KCNN3: variants seen among roughly 807,000 people sequenced by gnomAD.
KCNN3 encodes small conductance calcium-activated potassium channel protein 3.
KCNN3 carries 16 observed loss-of-function variants against 62.9 expected under a neutral mutation model. That is an observed-to-expected ratio of 0.25 (90% confidence interval 0.17 to 0.39). The LOEUF (loss-of-function observed/expected upper bound fraction) is 0.39, where lower values mean the gene tolerates loss of function less well. KCNN3 is among the 10% of genes least tolerant of loss of function. KCNN3 has a pLI of 1.00. For synonymous variants in KCNN3, 370 were observed against 389.2 expected (o/e 0.95, Z 0.58); for missense variants, 599 against 949.4 (o/e 0.63, Z 4.85).
chr1:154,720,778 C>A (rs114540172), intron 5 of KCNN3, among the ~76,000 whole-genome samples: 1 of 152,108 alleles, frequency 6.6e-6, no homozygotes, highest in African/African-American at 2.4e-5. Context: ...GGGTAAGGGA[C>A]GCCGAAGTGA....
intron 2 of KCNN3, among the ~76,000 whole-genome samples, chr1:154,774,159 T>C (rs944197559): frequency 2.0e-5 from 3 of 152,236 alleles, no homozygotes; most frequent in African/African-American, 7.2e-5. Flanking sequence ...CCCAGCACAC[T>C]ATGTAACTAT....
chr1:154,734,519 C>T (rs557684764), intron 3 of KCNN3, among the ~76,000 whole-genome samples: 2 of 152,364 alleles, frequency 1.3e-5, no homozygotes, highest in Non-Finnish European at 2.9e-5. Flanking sequence ...TCAGGAATCT[C>T]CATGCCCCCA....
chr1:154,828,357 T>C lies in KCNN3; in HGVS notation c.934-6173A>G, dbSNP rs547416683. ...CAACACTCATTCCTTTTTTTTTTTT[T>C]CTTAGGAGTTTTCTTTTCCCAGGCA... On this transcript the variant is annotated intron_variant, in intron 1 of 7. Transcript: ENST00000271915. Among the ~76,000 whole-genome samples the C allele has an allele frequency of 5.7e-4, 86 of 152,032 alleles. 1 individual carries two copies. The highest frequency in any genetic ancestry group is 7.8e-4 in the Non-Finnish European group (53 of 67,982).
chr1:154,827,136 T>C (rs556067239), intron 1 of KCNN3, among the ~76,000 whole-genome samples: 1 of 152,352 alleles, frequency 6.6e-6, no homozygotes, highest in South Asian at 2.1e-4. Context: ...TGGGAAATAA[T>C]TGATTTAGAA....
At position 154,836,778 on chromosome 1, in the gene KCNN3, G is replaced by T. The variant is rs1455281293; in HGVS notation, c.934-14594C>A. On this transcript the variant is annotated intron_variant, in intron 1 of 7. Transcript: ENST00000271915. ...ACTCGGCTGGAGCCCGAGAGCCGCCGCCCCTGGGCTCCCTCTGAGTGGCCC... is the reference window on the plus strand; with the variant it reads ...ACTCGGCTGGAGCCCGAGAGCCGCCTCCCCTGGGCTCCCTCTGAGTGGCCC... Among the ~76,000 whole-genome samples, 8 of 152,166 alleles carry T rather than the reference G, an allele frequency of 5.3e-5. No individual in the cohort carries two copies. The East Asian group carries it at 9.6e-4, about 18-fold the overall frequency.
intron 2 of KCNN3, among the ~76,000 whole-genome samples, chr1:154,779,978 G>A (rs958702809): frequency 1.8e-4 from 27 of 152,078 alleles, no homozygotes; most frequent in African/African-American, 6.0e-4. Flanking sequence ...CTCACCACAA[G>A]GCCAACGCTG....
intron 3 of KCNN3, among the ~76,000 whole-genome samples, chr1:154,756,489 C>T (rs550808789): frequency 3.9e-5 from 6 of 152,132 alleles, no homozygotes; most frequent in Non-Finnish European, 7.4e-5. Context: ...GCCACACCCC[C>T]CTTCATCTGT....
At chr1:154,756,822 T>C (rs556783087) in intron 3 of KCNN3, among the ~76,000 whole-genome samples, 1 of 152,352 alleles carries the variant, frequency 6.6e-6, no homozygotes, top group African/African-American at 2.4e-5. Context: ...TCTTCCCTGG[T>C]AGACTGTAAG....
chr1:154,779,630 T>C (rs1480679244), intron 2 of KCNN3, among the ~76,000 whole-genome samples: 8 of 152,246 alleles, frequency 5.3e-5, no homozygotes, highest in Admixed American at 5.2e-4. Flanking sequence ...GCTGGTAGAC[T>C]GAATCAGGGA....
chr1:154,774,562 C>T (rs1648713673), intron 2 of KCNN3, among the ~76,000 whole-genome samples: 1 of 152,264 alleles, frequency 6.6e-6, no homozygotes, highest in African/African-American at 2.4e-5. Flanking sequence ...CCTGTGCAGG[C>T]ACCTCACTTC....
intron 5 of KCNN3, among the ~76,000 whole-genome samples, chr1:154,723,774 C>G (rs938440755): frequency 6.6e-6 from 1 of 152,240 alleles, no homozygotes; most frequent in African/African-American, 2.4e-5. Context: ...TGCCCTCACT[C>G]CGGCACGTAG....
intron 1 of KCNN3, among the ~76,000 whole-genome samples, chr1:154,858,138 A>G (rs1268376477): frequency 6.6e-6 from 1 of 152,110 alleles, no homozygotes; most frequent in Non-Finnish European, 1.5e-5. Context: ...CCCTCCCACC[A>G]GGCTCAGCAC....
At chr1:154,843,957 G>C (rs962110202) in intron 1 of KCNN3, among the ~76,000 whole-genome samples, 41 of 152,234 alleles carry the variant, frequency 2.7e-4, no homozygotes, top group Non-Finnish European at 3.2e-4. Flanking sequence ...CCCTGCCTCG[G>C]TGACTGCCCC....
rs1364552357 is a variant in KCNN3, at chr1:154,732,786, C to T, written c.1590+217G>A. Among the ~76,000 whole-genome samples, 3 of 152,178 alleles carry T rather than the reference C, an allele frequency of 2.0e-5. No homozygotes were observed. In the East Asian group the frequency reaches 5.8e-4, roughly 29 times the overall value. ...AATAGACCATTAACTGCCAGGAGTC[C>T]AGGTCTCATTCTTACCTTAGAAAAG... On this transcript the variant is annotated intron_variant, in intron 4 of 7. Coordinates refer to ENST00000271915, the MANE Select transcript of KCNN3 (RefSeq NM_002249.6).
intron 1 of KCNN3, among the ~76,000 whole-genome samples, chr1:154,845,837 A>C (rs577019687): frequency 6.6e-6 from 1 of 152,302 alleles, no homozygotes; most frequent in Admixed American, 6.5e-5. Flanking sequence ...TTTAGTAAAT[A>C]ATAGTAATAA....
chr1:154,809,158 A>G lies in KCNN3; in HGVS notation c.1029+12931T>C, dbSNP rs1323574982. Among the ~76,000 whole-genome samples, 1 of 152,184 alleles carries G rather than the reference A, an allele frequency of 6.6e-6. No individual in the cohort carries two copies. Among genetic ancestry groups the G allele is most frequent in the Non-Finnish European group, 1.5e-5 (1 of 68,036 alleles). ...TGCCTCAGCACTCTCCTGTGACACA[A>G]CGTGATCTCACCGAGTGACCAGGTG... On this transcript the variant is annotated intron_variant, in intron 2 of 7. Transcript: ENST00000271915. The surrounding 1 kb of genome is among the most constrained non-coding windows in gnomAD (Gnocchi z 4.3).
intron 1 of KCNN3, among the ~76,000 whole-genome samples, chr1:154,827,028 AC>A (rs1651165291): frequency 6.6e-6 from 1 of 151,836 alleles, no homozygotes; most frequent in African/African-American, 2.4e-5. Flanking sequence ...ACTGGCTGAA[AC>A]CCCCAAAGGG....
At chr1:154,804,386 T>C (rs932103664) in intron 2 of KCNN3, among the ~76,000 whole-genome samples, 1 of 152,272 alleles carries the variant, frequency 6.6e-6, no homozygotes, top group African/African-American at 2.4e-5. Flanking sequence ...GTGCTTAGAA[T>C]TCATGATATG....
At chr1:154,709,162 C>T (rs1003915684) in intron 7 of KCNN3, among the ~76,000 whole-genome samples, 2 of 152,228 alleles carry the variant, frequency 1.3e-5, no homozygotes, top group Non-Finnish European at 2.9e-5. Context: ...CCCCAACATC[C>T]TGTGGCCCCC....
Sources: gnomAD v4.1 joint callset for allele counts (sites outside exome capture counted in the v4.1 genomes callset) on GRCh38, gnomAD v4.1.1 for gene constraint, Gnocchi (gnomAD v3.1) non-coding constraint, MANE v1.5 for transcripts, NCBI Gene and HGNC (gene_info 2026-07-23, HGNC 2026-07-21) for gene names.